ZNF487: variants seen among roughly 807,000 people sequenced by gnomAD.
ZNF487 encodes the protein zinc finger protein 487.
Under a neutral mutation model 3.0 loss-of-function variants are expected in ZNF487, and 4 were observed. That is an observed-to-expected ratio of 1.35 (90% CI 0.66 to 3.08). The LOEUF (loss-of-function observed/expected upper bound fraction) is 3.08. ZNF487 is among the 30% of genes most tolerant of loss of function. The pLI is 0.01. For synonymous variants in ZNF487, 55 were observed against 34.6 expected, an observed-to-expected ratio of 1.59 and a Z score of -2.06; for missense variants, 146 against 98.7, an observed-to-expected ratio of 1.48 and a Z score of -2.03.
At chr10:43,506,820 C>G in the ZNF487 span, among the ~76,000 whole-genome samples, 3 of 152,126 alleles carry the variant, frequency 2.0e-5, no homozygotes, top group African/African-American at 7.2e-5. Context: ...AGCCATCCCA[C>G]GACCCAAGGG....
At chr10:43,476,231 A>T in intron 3 of ZNF487, 29 bp downstream of exon 3, 1 of 706,094 alleles carries the variant, frequency 1.4e-6, no homozygotes, top group East Asian at 2.7e-5. Context: ...AGGAAGCTAT[A>T]ATCCCAGGGA....
At chr10:43,466,621 T>C (rs1305901937) in intron 1 of ZNF487, among the ~76,000 whole-genome samples, 1 of 152,014 alleles carries the variant, frequency 6.6e-6, no homozygotes, top group Non-Finnish European at 1.5e-5. Flanking sequence ...CAGGCTGGTC[T>C]CCAACTCCTG....
At position 43,481,896 on chromosome 10, in the gene ZNF487, A is replaced by G; in HGVS notation, c.598A>G (p.Arg200Gly). The stretch of plus-strand genomic sequence containing the variant: ...AGAGGCAGCCTGCAGTACCCATAAG[A>G]GAGTGTGCTCATGGGAGACCCTGTG... The part of the protein sequence containing the change: ...HEEAACSTHK[R>G]VCSWETL The change falls in exon 4 of 4, where the codon AGA (arginine) becomes GGA (glycine). Residue 200 changes from arginine (R) to glycine (G), a missense_variant. Coordinates refer to ENST00000437590, the MANE Select transcript of ZNF487 (RefSeq NM_001355444.3). The G allele has an allele frequency of 2.9e-6, 2 of 690,756 alleles. No homozygotes were observed. The highest frequency in any genetic ancestry group is 2.7e-5 in the East Asian group (1 of 37,138). The allele number at this position is 690,756 out of a possible 1,614,324, so 42.8% of individuals were successfully genotyped here.
At chr10:43,444,732 A>AT (rs1397868223) in intron 1 of ZNF487, among the ~76,000 whole-genome samples, 2 of 151,892 alleles carry the variant, frequency 1.3e-5, no homozygotes, top group Admixed American at 6.6e-5. Context: ...CTCCAGGCTA[A>AT]TTTTTTTATG....
At chr10:43,506,495 C>A in the ZNF487 span, among the ~76,000 whole-genome samples, 1 of 152,048 alleles carries the variant, frequency 6.6e-6, no homozygotes, top group Non-Finnish European at 1.5e-5. Context: ...CAGATTGAGA[C>A]CCCATCTCTA....
the ZNF487 span, among the ~76,000 whole-genome samples, chr10:43,506,093 T>C: frequency 6.6e-6 from 1 of 152,264 alleles, no homozygotes; most frequent in African/African-American, 2.4e-5. Context: ...GTACTTTCAC[T>C]TTGCCGTGAA....
chr10:43,475,638 C>T (rs1209283506), intron 1 of ZNF487, 83 bp from the exon 2 acceptor site: 2 of 727,268 alleles, frequency 2.8e-6, no homozygotes, highest in African/African-American at 3.5e-5. Context: ...CAACAGTGAA[C>T]ATGACAAGGT....
At chr10:43,474,807 T>C (rs1160683957) in intron 1 of ZNF487, among the ~76,000 whole-genome samples, 1 of 152,082 alleles carries the variant, frequency 6.6e-6, no homozygotes, top group Admixed American at 6.6e-5. Flanking sequence ...GGTCTTGAAC[T>C]TCTGACCTCA....
At chr10:43,475,299 C>T (rs750718499) in intron 1 of ZNF487, among the ~76,000 whole-genome samples, 14 of 152,036 alleles carry the variant, frequency 9.2e-5, no homozygotes, top group Non-Finnish European at 1.6e-4. Context: ...GCAGGAGGAT[C>T]GCTTGAGCCT....
chr10:43,451,661 G>T (rs1223882814), intron 1 of ZNF487, among the ~76,000 whole-genome samples: 1 of 144,768 alleles, frequency 6.9e-6, no homozygotes, highest in South Asian at 2.2e-4. Context: ...CACCTCCCGG[G>T]TTCAAGCAGT....
chr10:43,455,027 TG>T lies in ZNF487; in HGVS notation c.-94+17767del, dbSNP rs1198968027. ...TAGTTTGCACTTTTTTTTTTTTTTT[TG>T]GAGACAGTCTCGCTCTGTTGCCCCG... is the stretch of plus-strand genomic sequence containing the variant. On this transcript the variant is annotated intron_variant, in intron 1 of 3. Transcript: ENST00000437590. 1.4e-3 allele frequency among the ~76,000 whole-genome samples: 211 copies of T among 150,370 alleles called. 1 individual carries two copies. Among genetic ancestry groups the T allele is most frequent in the Middle Eastern group, 3.5e-3 (1 of 284 alleles).
chr10:43,438,742 A>T (rs1839472936), intron 1 of ZNF487, among the ~76,000 whole-genome samples: 1 of 152,152 alleles, frequency 6.6e-6, no homozygotes, highest in Non-Finnish European at 1.5e-5. Context: ...TGATAGATGG[A>T]TAAACAAAAT....
At chr10:43,462,989 C>T (rs1405822802) in intron 1 of ZNF487, among the ~76,000 whole-genome samples, 4 of 152,054 alleles carry the variant, frequency 2.6e-5, no homozygotes, top group Admixed American at 2.0e-4. Context: ...AATCCCAGCA[C>T]TTGGGGATGC....
chr10:43,501,259 T>G, the ZNF487 span, among the ~76,000 whole-genome samples: 2 of 152,214 alleles, frequency 1.3e-5, no homozygotes, highest in African/African-American at 4.8e-5. Context: ...GCATGGATCT[T>G]GCAGGTCTGG....
chr10:43,522,036 G>A, the ZNF487 span, among the ~76,000 whole-genome samples: 1 of 152,142 alleles, frequency 6.6e-6, no homozygotes, highest in Non-Finnish European at 1.5e-5. Flanking sequence ...AGAAAATGAA[G>A]ATACAACAGC....
chr10:43,511,483 C>T, the ZNF487 span, among the ~76,000 whole-genome samples: 18 of 152,242 alleles, frequency 1.2e-4, no homozygotes, highest in Middle Eastern at 3.4e-3. Context: ...ATTCTAATGA[C>T]GACAAACCTC....
At chr10:43,441,430 TA>T (rs1839606418) in intron 1 of ZNF487, among the ~76,000 whole-genome samples, 1 of 152,064 alleles carries the variant, frequency 6.6e-6, no homozygotes, top group East Asian at 1.9e-4. Context: ...CGGGCCCGGC[TA>T]ATTTTTTGTA....
chr10:43,511,923 A>G, the ZNF487 span, among the ~76,000 whole-genome samples: 2 of 152,096 alleles, frequency 1.3e-5, no homozygotes, highest in East Asian at 3.8e-4. Context: ...GTTTGTCACC[A>G]ATTTTCCAGT....
At chr10:43,480,665 C>T (rs1296364588) in intron 3 of ZNF487, among the ~76,000 whole-genome samples, 4 of 151,342 alleles carry the variant, frequency 2.6e-5, no homozygotes, top group Non-Finnish European at 5.9e-5. Flanking sequence ...ATCCACCTTC[C>T]TTGGCCTTCC....
Sources: allele counts gnomAD v4.1 joint callset (sites outside exome capture counted in the v4.1 genomes callset), GRCh38; gene constraint gnomAD v4.1.1; transcripts MANE v1.5; gene names NCBI Gene and HGNC (gene_info 2026-07-23, HGNC 2026-07-21).